The following DOCK3 variants were observed in gnomAD, a reference collection of about 807,000 sequenced individuals.
The protein encoded by DOCK3 is dedicator of cytokinesis protein 3.
In DOCK3, 60 loss-of-function variants were observed where a neutral mutation model predicts 265.6. The ratio of observed to expected loss-of-function variants is 0.23; its 90% confidence interval spans 0.18 to 0.28. DOCK3 has a LOEUF of 0.28. Among genes scored for constraint, DOCK3 ranks in the 10% least tolerant of loss-of-function variants. The probability of loss-of-function intolerance (pLI) is 1.00; values close to 1 mark genes in which losing one functional copy is unlikely to be tolerated. For missense variants in DOCK3, 1,981 were observed against 2,594.3 expected, an observed-to-expected ratio of 0.76 and a Z score of 5.14; for synonymous variants, 881 against 938.0, an observed-to-expected ratio of 0.94 and a Z score of 1.11.
intron 2 of DOCK3, among the ~76,000 whole-genome samples, chr3:50,820,245 C>T (rs1176116762): frequency 6.6e-6 from 1 of 152,202 alleles, no homozygotes; most frequent in East Asian, 1.9e-4. Context: ...TAAATTCCTT[C>T]CTGCATGAAG....
chr3:50,970,664 C>T (rs1021922961), intron 5 of DOCK3, among the ~76,000 whole-genome samples: 3 of 147,158 alleles, frequency 2.0e-5, no homozygotes, highest in Non-Finnish European at 4.5e-5. Flanking sequence ...TCATTTATGT[C>T]CTAAATATTT....
chr3:51,070,905 C>T (rs1170492899), intron 6 of DOCK3, among the ~76,000 whole-genome samples: 3 of 151,982 alleles, frequency 2.0e-5, no homozygotes, highest in African/African-American at 7.3e-5. Context: ...GAATCTAATG[C>T]GTGATGATCT....
At chr3:50,715,027 A>G (rs921243557) in intron 1 of DOCK3, among the ~76,000 whole-genome samples, 4 of 152,202 alleles carry the variant, frequency 2.6e-5, no homozygotes, top group African/African-American at 9.7e-5. Context: ...CATATTTTAT[A>G]AGGATTACTT....
intron 7 of DOCK3, among the ~76,000 whole-genome samples, chr3:51,080,368 A>G (rs969965861): frequency 6.6e-6 from 1 of 152,228 alleles, no homozygotes; most frequent in Non-Finnish European, 1.5e-5. Flanking sequence ...AGGCACTTGT[A>G]GTATAAAGAT....
At chr3:50,851,659 A>T (rs925547043) in intron 3 of DOCK3, among the ~76,000 whole-genome samples, 1 of 152,196 alleles carries the variant, frequency 6.6e-6, no homozygotes, top group Non-Finnish European at 1.5e-5. Context: ...CAGGTCACCA[A>T]GCTGGCCCTG....
chr3:51,306,118 A>T (rs1203068282), intron 27 of DOCK3, among the ~76,000 whole-genome samples: 1 of 151,146 alleles, frequency 6.6e-6, no homozygotes, highest in Non-Finnish European at 1.5e-5. Flanking sequence ...CTCCCATCTC[A>T]GCCTCTCAAA....
intron 2 of DOCK3, among the ~76,000 whole-genome samples, chr3:50,828,704 C>T (rs532359608): frequency 2.6e-5 from 4 of 151,918 alleles, no homozygotes; most frequent in Admixed American, 2.0e-4. Flanking sequence ...GGCGCCCAAC[C>T]TTTTACCCTT....
At chr3:51,182,037 A>G (rs2087326353) in intron 12 of DOCK3, among the ~76,000 whole-genome samples, 1 of 152,202 alleles carries the variant, frequency 6.6e-6, no homozygotes, top group Non-Finnish European at 1.5e-5. Flanking sequence ...AGAGTATAAA[A>G]AGCAAAGTCT....
chr3:51,079,732 AT>A (rs368996435), intron 7 of DOCK3, among the ~76,000 whole-genome samples: 2 of 152,304 alleles, frequency 1.3e-5, no homozygotes, highest in Middle Eastern at 3.4e-3. Context: ...CTCTAAATCC[AT>A]TTTAAACAAT....
chr3:50,691,122 A>G (rs528826475), intron 1 of DOCK3, among the ~76,000 whole-genome samples: 1 of 151,798 alleles, frequency 6.6e-6, no homozygotes, highest in African/African-American at 2.4e-5. Context: ...CTCTACTAAA[A>G]ATACAAAAAA....
intron 37 of DOCK3, among the ~76,000 whole-genome samples, chr3:51,340,193 G>A (rs1357652685): frequency 1.3e-5 from 2 of 152,186 alleles, no homozygotes; most frequent in Admixed American, 1.3e-4. Flanking sequence ...GAGAGGCTGG[G>A]TCAGGGATTT....
In DOCK3 at chr3:51,335,192, A is replaced by G. The variant is rs148734323; in HGVS notation, c.3611+1939A>G. Among the ~76,000 whole-genome samples, 83 of 152,206 alleles carry G rather than the reference A, an allele frequency of 5.5e-4. 1 individual carries two copies. Among genetic ancestry groups the G allele is most frequent in the Non-Finnish European group, 9.1e-4 (62 of 67,986 alleles). ...ACAACTAAAGTATACATATGTAACA[A>G]ACCTGCAGGTTGTGCACATGTACCC... is the stretch of plus-strand genomic sequence containing the variant. On this transcript the variant is annotated intron_variant, in intron 35 of 52. Transcript: ENST00000266037.
At chr3:50,719,553 T>C (rs1201312278) in intron 1 of DOCK3, 8 of 1,305,088 alleles carry the variant, frequency 6.1e-6, no homozygotes, top group South Asian at 1.2e-5. Context: ...GAGCACTCCA[T>C]GGCCTGCATA....
At chr3:50,904,140 A>T (rs2049347725) in intron 4 of DOCK3, among the ~76,000 whole-genome samples, 1 of 152,078 alleles carries the variant, frequency 6.6e-6, no homozygotes, top group Non-Finnish European at 1.5e-5. Flanking sequence ...TATGTGCCAC[A>T]TTTTCTTAAT....
At chr3:51,067,420 A>G (rs2081631604) in intron 6 of DOCK3, among the ~76,000 whole-genome samples, 1 of 60,008 alleles carries the variant, frequency 1.7e-5, no homozygotes, top group African/African-American at 6.6e-5. Context: ...TTCTCAATGA[A>G]ATATGTTTGT....
At chr3:51,060,365 G>C (rs1455859475) in intron 5 of DOCK3, among the ~76,000 whole-genome samples, 1 of 152,092 alleles carries the variant, frequency 6.6e-6, no homozygotes, top group East Asian at 1.9e-4. Context: ...TCTGATGGTA[G>C]TTTCTTTTGC....
intron 3 of DOCK3, among the ~76,000 whole-genome samples, chr3:50,854,219 G>T (rs1327311854): frequency 6.6e-6 from 1 of 152,076 alleles, no homozygotes; most frequent in Non-Finnish European, 1.5e-5. Context: ...TCCTTTGTCA[G>T]ATGCATAGTT....
In DOCK3 at chr3:51,146,591, G is replaced by A. The variant is rs1311004067; in HGVS notation, c.789G>A (p.Arg263=). Residue 263 remains arginine (R), a synonymous_variant, in exon 10 of 53, where the codon AGG becomes AGA. Coordinates refer to ENST00000266037, the MANE Select transcript of DOCK3 (RefSeq NM_004947.5). ...GACTGAACAAGAATGGTGGGCCGAGGAACCCAGAGAAGATAGAACGAATGT... is the reference window on the plus strand; with the variant it reads ...GACTGAACAAGAATGGTGGGCCGAGAAACCCAGAGAAGATAGAACGAATGT... ...LVRLNKNGGP[R]NPEKIERMCA... 6.3e-7 allele frequency: 1 copy of A among 1,599,024 alleles called. No homozygotes were observed. The highest frequency in any genetic ancestry group is 8.5e-7 in the Non-Finnish European group (1 of 1,172,284).
chr3:51,174,627 C>T (rs1442529831), intron 12 of DOCK3, among the ~76,000 whole-genome samples: 3 of 152,142 alleles, frequency 2.0e-5, no homozygotes, highest in Non-Finnish European at 4.4e-5. Context: ...TAGATCTCCA[C>T]TTCTTTAGGG....
Sources: gnomAD v4.1 joint callset for allele counts (sites outside exome capture counted in the v4.1 genomes callset) on GRCh38, gnomAD v4.1.1 for gene constraint, MANE v1.5 for transcripts, NCBI Gene and HGNC (gene_info 2026-07-23, HGNC 2026-07-21) for gene names.